Variants in ZFYVE9 observed in about 807,000 individuals in gnomAD.
ZFYVE9 encodes the protein zinc finger FYVE domain-containing protein 9.
In ZFYVE9, 43 loss-of-function variants were observed where a neutral mutation model predicts 126.7. The ratio of observed to expected loss-of-function variants is 0.34; its 90% CI spans 0.27 to 0.44. The LOEUF (loss-of-function observed/expected upper bound fraction) is 0.44. Among genes scored for constraint, ZFYVE9 ranks in the 20% least tolerant of loss-of-function variants. ZFYVE9 has a pLI of 1.00. For missense variants in ZFYVE9, 1,476 were observed against 1,697.0 expected, an observed-to-expected ratio of 0.87 and a Z score of 2.29; for synonymous variants, 521 against 597.4, an observed-to-expected ratio of 0.87 and a Z score of 1.87.
At chr1:52,330,835 A>G (rs1232480766) in intron 13 of ZFYVE9, among the ~76,000 whole-genome samples, 1 of 152,108 alleles carries the variant, frequency 6.6e-6, no homozygotes, top group African/African-American at 2.4e-5. Flanking sequence ...TTCAAGATGG[A>G]GTCAAACAAC....
chr1:52,309,369 C>T (rs1646117167), intron 13 of ZFYVE9, among the ~76,000 whole-genome samples: 1 of 152,146 alleles, frequency 6.6e-6, no homozygotes, highest in Non-Finnish European at 1.5e-5. Context: ...GTCCCAGCTA[C>T]TTGGGAGGCT....
At chr1:52,146,316 A>G (rs186503768) in intron 1 of ZFYVE9, among the ~76,000 whole-genome samples, 1 of 152,290 alleles carries the variant, frequency 6.6e-6, no homozygotes, top group East Asian at 1.9e-4. Context: ...GTATATAATA[A>G]TCATTGGAAA....
At chr1:52,274,713 C>A in intron 8 of ZFYVE9, 129 bp downstream of exon 8, 1 of 990,392 alleles carries the variant, frequency 1.0e-6, no homozygotes, top group Non-Finnish European at 1.4e-6. Flanking sequence ...TCCCCCAAAA[C>A]TATGAAAATG....
intron 1 of ZFYVE9, among the ~76,000 whole-genome samples, chr1:52,177,497 A>G (rs1317720867): frequency 6.6e-6 from 1 of 152,160 alleles, no homozygotes; most frequent in Admixed American, 6.5e-5. Flanking sequence ...TGTCCAGTAC[A>G]TGACCCATGT....
At chr1:52,320,073 A>T (rs566843853) in intron 13 of ZFYVE9, among the ~76,000 whole-genome samples, 1 of 49,432 alleles carries the variant, frequency 2.0e-5, no homozygotes, top group South Asian at 6.5e-4. Flanking sequence ...GATGATGTTA[A>T]GACCTTTATT....
chr1:52,233,100 C>G, intron 2 of ZFYVE9, 71 bp from the exon 3 acceptor site: 1 of 602,594 alleles, frequency 1.7e-6, no homozygotes, highest in East Asian at 3.8e-5. Flanking sequence ...AGATTTTATC[C>G]TTGTGTATAT....
At chr1:52,199,616 A>G (rs1355614995) in intron 1 of ZFYVE9, among the ~76,000 whole-genome samples, 2 of 152,260 alleles carry the variant, frequency 1.3e-5, no homozygotes, top group African/African-American at 4.8e-5. Flanking sequence ...TAAGTTTGGC[A>G]ATTATGAATA....
intron 10 of ZFYVE9, among the ~76,000 whole-genome samples, chr1:52,282,920 T>C (rs1293045812): frequency 1.3e-5 from 2 of 152,180 alleles, no homozygotes; most frequent in Non-Finnish European, 2.9e-5. Context: ...GATATATAAT[T>C]GTATTTTTAA....
intron 3 of ZFYVE9, among the ~76,000 whole-genome samples, chr1:52,235,495 T>G (rs1218192747): frequency 1.3e-5 from 2 of 152,148 alleles, no homozygotes; most frequent in African/African-American, 4.8e-5. Flanking sequence ...TTTTTTTCTT[T>G]TAAGGAATCC....
chr1:52,228,893 CTT>C (rs11438635), intron 2 of ZFYVE9, among the ~76,000 whole-genome samples: 23 of 142,316 alleles, frequency 1.6e-4, no homozygotes, highest in Admixed American at 2.1e-4. Context: ...ATCTTTTTTC[CTT>C]TTTTTTTTTT....
chr1:52,253,994 C>T (rs1645478107), intron 4 of ZFYVE9: 3 of 789,066 alleles, frequency 3.8e-6, no homozygotes, highest in Non-Finnish European at 6.9e-6. Flanking sequence ...ATTCCCTTAA[C>T]TGATAATCAT....
intron 4 of ZFYVE9, among the ~76,000 whole-genome samples, chr1:52,258,615 T>A (rs1343759615): frequency 6.6e-6 from 1 of 152,206 alleles, no homozygotes; most frequent in African/African-American, 2.4e-5. Context: ...TCCAGTAATT[T>A]CAAATTCAGG....
rs1052642409 is a variant in ZFYVE9 at position 52,206,084 on chromosome 1, C to T, written c.-142-10285C>T. On this transcript the variant is annotated intron_variant, in intron 1 of 18. Transcript: ENST00000287727. Reference sequence around the variant, plus strand: ...GATTCTTGTTGCAGGTTAAGGCAATCCACTGGAGCTAAGTTAGAAAAAAAA... The same window carrying T: ...GATTCTTGTTGCAGGTTAAGGCAATTCACTGGAGCTAAGTTAGAAAAAAAA... Among the ~76,000 whole-genome samples, 3 of 152,074 alleles carry T rather than the reference C, an allele frequency of 2.0e-5. No homozygotes were observed. The East Asian group carries it at 5.8e-4, about 29-fold the overall frequency.
chr1:52,142,133 T>A lies in ZFYVE9; in HGVS notation c.-413T>A, dbSNP rs994935295. On this transcript the variant is annotated 5_prime_UTR_variant, in exon 1 of 19. Coordinates refer to ENST00000287727, the MANE Select transcript of ZFYVE9 (RefSeq NM_004799.4). The surrounding 1 kb of genome is among the most constrained non-coding windows in gnomAD (Gnocchi z 4.5). ...GCTGAGGATCCCCGCCTGCCGCACC[T>A]CGGTCGTCCCGCCGCAGCCTTGCGC... 1.8e-4 allele frequency: 27 copies of A among 151,348 alleles called. No individual in the cohort carries two copies. Among genetic ancestry groups the A allele is most frequent in the African/African-American group, 6.3e-4 (26 of 41,438 alleles). The allele number at this position is 151,348 out of a possible 1,614,324, so 9.4% of individuals were successfully genotyped here.
chr1:52,168,939 CT>C (rs1318828477), intron 1 of ZFYVE9, among the ~76,000 whole-genome samples: 1 of 152,032 alleles, frequency 6.6e-6, no homozygotes, highest in African/African-American at 2.4e-5. Context: ...TCTGACCCCC[CT>C]GGAAACTCCT....
At chr1:52,187,761 C>G (rs1025385758) in intron 1 of ZFYVE9, among the ~76,000 whole-genome samples, 1 of 152,224 alleles carries the variant, frequency 6.6e-6, no homozygotes, top group African/African-American at 2.4e-5. Flanking sequence ...GATACCATCT[C>G]ACACCAGTCA....
chr1:52,230,673 T>G (rs754130796), intron 2 of ZFYVE9, among the ~76,000 whole-genome samples: 1 of 152,068 alleles, frequency 6.6e-6, no homozygotes, highest in Non-Finnish European at 1.5e-5. Flanking sequence ...TCTGTCCCCT[T>G]ATAAGGGGAG....
At chr1:52,325,518 A>C (rs1472494480) in intron 13 of ZFYVE9, among the ~76,000 whole-genome samples, 1 of 152,160 alleles carries the variant, frequency 6.6e-6, no homozygotes, top group Admixed American at 6.5e-5. Context: ...AGACTGTCTC[A>C]AGAAATAAAA....
At chr1:52,255,910 TTTC>T (rs1275124404) in intron 4 of ZFYVE9, among the ~76,000 whole-genome samples, 3 of 60,652 alleles carry the variant, frequency 4.9e-5, no homozygotes, top group Admixed American at 1.5e-4. Context: ...TTTCTTTTCT[TTTC>T]TTTTCTTTTC....
Sources: allele counts gnomAD v4.1 joint callset (sites outside exome capture counted in the v4.1 genomes callset), GRCh38; gene constraint gnomAD v4.1.1; non-coding constraint Gnocchi (gnomAD v3.1); transcripts MANE v1.5; gene names NCBI Gene and HGNC (gene_info 2026-07-23, HGNC 2026-07-21).